DNAH9: variants seen among roughly 807,000 people sequenced by gnomAD.
The protein encoded by DNAH9 is DNAH9 variant protein.
A neutral mutation model predicts 471.6 loss-of-function variants in DNAH9; 345 were observed. The ratio of observed to expected loss-of-function variants is 0.73; its 90% CI spans 0.67 to 0.80. The LOEUF (loss-of-function observed/expected upper bound fraction) is 0.80. DNAH9 is among the 30% of genes least tolerant of loss of function. The probability of loss-of-function intolerance (pLI) is 0.00; values close to 1 mark genes in which losing one functional copy is unlikely to be tolerated. For missense variants in DNAH9, 5,407 were observed against 5,609.2 expected, an observed-to-expected ratio of 0.96 and a Z score of 1.15; for synonymous variants, 2,093 against 2,123.6, an observed-to-expected ratio of 0.99 and a Z score of 0.40.
chr17:11,944,481 G>A (rs1345166823), intron 67 of DNAH9, among the ~76,000 whole-genome samples: 2 of 152,244 alleles, frequency 1.3e-5, no homozygotes, highest in East Asian at 1.9e-4. Context: ...GCAGCCCACG[G>A]TCTGTTCTCA....
chr17:11,769,167 A>G lies in DNAH9; in HGVS notation c.7390A>G (p.Met2464Val), dbSNP rs1256061009. Residue 2464 changes from methionine to valine, a missense_variant, in exon 38 of 69, where the codon ATG (methionine) becomes GTG (valine). Physicochemically the swap from Met to Val is conservative, Grantham distance 21. Around this residue, in one of 3 missense-constraint regions of DNAH9, gnomAD observed 4,636 missense variants for 4,900.3 expected, o/e 0.95. Transcript: ENST00000262442. ...TSETIRVCYF[M>V]ERLMARQRPV... is the part of the protein sequence containing the mutation. ...TGAGACCATCCGTGTGTGCTACTTC[A>G]TGGAGCGGTTGATGGCGCGGCAGCG... 5.0e-6 allele frequency: 8 copies of G among 1,614,050 alleles called. No homozygotes were observed. Among genetic ancestry groups the G allele is most frequent in the Non-Finnish European group, 6.8e-6 (8 of 1,180,038 alleles).
At chr17:11,953,672 C>T (rs12453386) in intron 67 of DNAH9, among the ~76,000 whole-genome samples, 25,377 of 147,748 alleles carry the variant, frequency 0.17, 2,240 homozygotes, top group Admixed American at 0.22. Context: ...ATTAGCCAGG[C>T]GTGGTGGCAG....
rs1976222664 is a variant in DNAH9 at position 11,961,895 on chromosome 17, A to G, written c.12872A>G (p.Glu4291Gly). 2.5e-6 allele frequency: 4 copies of G among 1,612,050 alleles called. No individual in the cohort carries two copies. Among genetic ancestry groups the G allele is most frequent in the African/African-American group, 1.3e-5 (1 of 74,846 alleles). Residue 4291 changes from glutamate (E) to glycine (G), a missense_variant, in exon 68 of 69, where the codon GAG becomes GGG. Coordinates refer to ENST00000262442, the MANE Select transcript of DNAH9 (RefSeq NM_001372.4). ...GAGCTGACTATGACCAGCCACATGG[A>G]GAACTTACAGAATGCCCTGTACTTC... Reference protein sequence around the residue: ...KGELTMTSHMENLQNALYFDM... With the variant: ...KGELTMTSHMGNLQNALYFDM...
chr17:11,948,369 C>A (rs1428933384), intron 67 of DNAH9, among the ~76,000 whole-genome samples: 4 of 151,632 alleles, frequency 2.6e-5, no homozygotes, highest in Non-Finnish European at 5.9e-5. Context: ...GCTGGAATTA[C>A]AGGTGCCTGC....
At chr17:11,600,847 A>G (rs1306520933) in intron 1 of DNAH9, among the ~76,000 whole-genome samples, 4 of 152,226 alleles carry the variant, frequency 2.6e-5, no homozygotes, top group Admixed American at 1.3e-4. Flanking sequence ...AATTCACCCA[A>G]CAATTTCCAA....
At chr17:11,637,660 C>T (rs893949346) in intron 9 of DNAH9, among the ~76,000 whole-genome samples, 1 of 152,130 alleles carries the variant, frequency 6.6e-6, no homozygotes, top group African/African-American at 2.4e-5. Flanking sequence ...CAGCGCTTTG[C>T]ACATAGTGGG....
chr17:11,650,174 G>A (rs1367587630), intron 12 of DNAH9, among the ~76,000 whole-genome samples: 1 of 152,244 alleles, frequency 6.6e-6, no homozygotes, highest in Admixed American at 6.5e-5. Context: ...TGAATGCTGA[G>A]TAGGGTTTGC....
At chr17:11,651,600 T>C (rs2073507891) in intron 13 of DNAH9, among the ~76,000 whole-genome samples, 1 of 152,188 alleles carries the variant, frequency 6.6e-6, no homozygotes, top group Non-Finnish European at 1.5e-5. Context: ...CTCCAGCATA[T>C]ATTGGGTGCT....
In DNAH9 at chr17:11,874,977, A is replaced by G; in HGVS notation, c.10271A>G (p.Asp3424Gly). The G allele has an allele frequency of 6.2e-7, 1 of 1,614,048 alleles. No homozygotes were observed. The stretch of plus-strand genomic sequence containing the variant: ...CCCATTCCAGTCACCCCAGCCCTGG[A>G]TCCCCTGAGGATGCTGATGGATGAT... ...KTPIPVTPAL[D>G]PLRMLMDDAD... The change falls in exon 53 of 69, where the codon GAT becomes GGT. Residue 3424 changes from aspartate (D) to glycine (G), a missense_variant. By Grantham distance (94) the Asp-to-Gly change is moderately conservative. Around this residue, in one of 3 missense-constraint regions of DNAH9, gnomAD observed 4,636 missense variants for 4,900.3 expected, o/e 0.95. Transcript: ENST00000262442.
chr17:11,799,118 A>G (rs1251620622), intron 43 of DNAH9, among the ~76,000 whole-genome samples: 1 of 151,994 alleles, frequency 6.6e-6, no homozygotes, highest in Non-Finnish European at 1.5e-5. Context: ...CTTGGCTCCC[A>G]TGGTCTTTTC....
In DNAH9 at chr17:11,937,988, G is replaced by A. The variant is rs892550199; in HGVS notation, c.12660+466G>A. On this transcript the variant is annotated intron_variant, in intron 66 of 68. Transcript: ENST00000262442. This position sits in a 1 kb window ranked among gnomAD's most constrained non-coding sequence, Gnocchi z 4.1. ...TTCATAATGCAAACGCCTTCCCTTC[G>A]TGTGAATGGCTTCTAGTCCGAGAGT... 9.2e-5 allele frequency among the ~76,000 whole-genome samples: 14 copies of A among 152,158 alleles called. No homozygotes were observed. The highest frequency in any genetic ancestry group is 1.9e-4 in the East Asian group (1 of 5,182).
chr17:11,689,408 C>T (rs1181553392), intron 19 of DNAH9, among the ~76,000 whole-genome samples, 158 bp from the exon 20 acceptor site: 1 of 150,910 alleles, frequency 6.6e-6, no homozygotes, highest in Non-Finnish European at 1.5e-5. Flanking sequence ...GAAGAAAAGA[C>T]ATTATTTGCT....
chr17:11,793,466 T>A (rs1426653100), intron 41 of DNAH9, 37 bp from the exon 42 acceptor site: 1 of 1,593,018 alleles, frequency 6.3e-7, no homozygotes, highest in African/African-American at 1.4e-5. Context: ...TCTGGATGGT[T>A]ATTAACGTTA....
At chr17:11,615,493 G>T (rs1024354627) in intron 4 of DNAH9, among the ~76,000 whole-genome samples, 7 of 151,936 alleles carry the variant, frequency 4.6e-5, no homozygotes, top group Admixed American at 2.6e-4. Flanking sequence ...GCTGAGGCAG[G>T]AGAATAGACT....
chr17:11,646,514 A>G (rs1256693952), intron 11 of DNAH9, among the ~76,000 whole-genome samples: 1 of 152,064 alleles, frequency 6.6e-6, no homozygotes, highest in Non-Finnish European at 1.5e-5. Context: ...TTCCCCAGTA[A>G]CTTCTTGCAA....
At position 11,880,192 on chromosome 17, in the gene DNAH9, A is replaced by C; in HGVS notation, c.10593A>C (p.Lys3531Asn). 6.2e-7 allele frequency: 1 copy of C among 1,613,524 alleles called. No homozygotes were observed. Among genetic ancestry groups the C allele is most frequent in the Non-Finnish European group, 8.5e-7 (1 of 1,179,764 alleles). Reference protein sequence around the residue: ...LGPLLGREVIKKGRFIKIGDK... With the variant: ...LGPLLGREVINKGRFIKIGDK... ...CCCTGCTTGGGAGAGAAGTCATTAA[A>C]AAAGGACGGTAAGACTCAGCTGTGT... Residue 3531 changes from lysine to asparagine, a missense_variant, in exon 54 of 69, where the codon AAA becomes AAC. By Grantham distance (94) the Lys-to-Asn change is moderately conservative. Around this residue, in one of 3 missense-constraint regions of DNAH9, gnomAD observed 4,636 missense variants for 4,900.3 expected, o/e 0.95. Coordinates refer to ENST00000262442, the MANE Select transcript of DNAH9 (RefSeq NM_001372.4).
intron 59 of DNAH9, among the ~76,000 whole-genome samples, chr17:11,897,248 C>T (rs1973251930): frequency 1.3e-5 from 2 of 152,140 alleles, no homozygotes; most frequent in African/African-American, 2.4e-5. Context: ...ACTTATAGCT[C>T]ATCTCAATTC....
chr17:11,913,586 T>C (rs1597819470), intron 61 of DNAH9, among the ~76,000 whole-genome samples: 2 of 152,078 alleles, frequency 1.3e-5, no homozygotes, highest in Admixed American at 1.3e-4. Context: ...ATCGAGACCA[T>C]CCTGGCTAAC....
At chr17:11,840,275 G>A (rs1037839248) in intron 49 of DNAH9, among the ~76,000 whole-genome samples, 3 of 152,264 alleles carry the variant, frequency 2.0e-5, no homozygotes, top group Non-Finnish European at 4.4e-5. Flanking sequence ...GAAATACACT[G>A]TATGGTCTCA....
Sources: gnomAD v4.1 joint callset for allele counts (sites outside exome capture counted in the v4.1 genomes callset) on GRCh38, gnomAD v4.1.1 for gene constraint, gnomAD v4.1.1 regional missense constraint, Gnocchi (gnomAD v3.1) non-coding constraint, MANE v1.5 for transcripts, NCBI Gene and HGNC (gene_info 2026-07-23, HGNC 2026-07-21) for gene names.